The following NUAK1 variants were observed in gnomAD, a reference collection of about 807,000 sequenced individuals.
NUAK1 encodes NUAK family SNF1-like kinase 1.
Under a neutral mutation model 56.9 loss-of-function variants are expected in NUAK1, and 26 were observed. That is an observed-to-expected ratio of 0.46 (90% CI 0.33 to 0.63). The LOEUF is 0.63. Ranked by LOEUF, NUAK1 falls within the 30% of genes least tolerant of loss-of-function variation. The pLI is 0.02. For missense variants in NUAK1, 727 were observed against 876.1 expected (o/e 0.83, Z 2.15); for synonymous variants, 337 against 336.0 (o/e 1.00, Z -0.03).
At chr12:106,103,991 G>C (rs766595476) in intron 2 of NUAK1, 4 of 151,872 alleles carry the variant, frequency 2.6e-5, no homozygotes, top group Non-Finnish European at 5.9e-5. Flanking sequence ...TACCACTCTT[G>C]GGCAGTTCGT....
chr12:106,064,249 T>C lies in NUAK1; in HGVS notation c.*2553A>G, dbSNP rs2032310189. The stretch of plus-strand genomic sequence containing the variant: ...TAATGGCTTTTCCCTCTATTGCAAG[T>C]TTTTCCTTGAAAGGACAGTCAACAC... On this transcript the variant is annotated 3_prime_UTR_variant, in exon 7 of 7. Transcript: ENST00000261402. 6.6e-6 allele frequency: 1 copy of C among 152,166 alleles called. No homozygotes were observed. The highest frequency in any genetic ancestry group is 6.5e-5 in the Admixed American group (1 of 15,268). The allele number at this position is 152,166 out of a possible 1,614,324, so 9.4% of individuals were successfully genotyped here.
chr12:106,100,600 G>A (rs532297570), intron 2 of NUAK1, among the ~76,000 whole-genome samples: 69 of 152,278 alleles, frequency 4.5e-4, no homozygotes, highest in Middle Eastern at 3.4e-3. Flanking sequence ...TTGCTTTGTT[G>A]GCCCTTGTAT....
intron 2 of NUAK1, among the ~76,000 whole-genome samples, chr12:106,097,609 C>T (rs2032707864): frequency 6.6e-6 from 1 of 152,186 alleles, no homozygotes; most frequent in South Asian, 2.1e-4. Flanking sequence ...GAAACATAAA[C>T]TGTTTGTAGA....
Position 106,138,811 on chromosome 12 carries a change from C to A in NUAK1, c.-158G>T, listed in dbSNP as rs1592867162. 2.8e-6 allele frequency: 3 copies of A among 1,055,954 alleles called. No homozygotes were observed. The highest frequency in any genetic ancestry group is 4.0e-5 in the Admixed American group (1 of 25,216). The allele number at this position is 1,055,954 out of a possible 1,614,324, so 65.4% of individuals were successfully genotyped here. On this transcript the variant is annotated 5_prime_UTR_variant, in exon 1 of 7. Coordinates refer to ENST00000261402, the MANE Select transcript of NUAK1 (RefSeq NM_014840.3). This position sits in a 1 kb window ranked among gnomAD's most constrained non-coding sequence, Gnocchi z 5.0. ...GCTCGGACTGCGGCTCGGTCACTGG[C>A]GGCGGCGGGGACTGCACATCTGGCG...
intron 3 of NUAK1, among the ~76,000 whole-genome samples, chr12:106,085,950 TC>T (rs1484022656): frequency 1.3e-5 from 2 of 151,892 alleles, no homozygotes; most frequent in Non-Finnish European, 2.9e-5. Flanking sequence ...CAAGCAATCC[TC>T]CCCCCTCAGC....
chr12:106,138,717 G>T lies in NUAK1; in HGVS notation c.-64C>A. On this transcript the variant is annotated 5_prime_UTR_variant, in exon 1 of 7. Coordinates refer to ENST00000261402, the MANE Select transcript of NUAK1 (RefSeq NM_014840.3). The surrounding 1 kb of genome is among the most constrained non-coding windows in gnomAD (Gnocchi z 5.0). Reference sequence around the variant, plus strand: ...CCGGGCACAGCGCTGGGATGTCGGGGTCCCCACCGAGGGAAGCCGCTGTAC... The same window carrying T: ...CCGGGCACAGCGCTGGGATGTCGGGTTCCCCACCGAGGGAAGCCGCTGTAC... The T allele has an allele frequency of 2.1e-6, 3 of 1,434,786 alleles. No homozygotes were observed. Among genetic ancestry groups the T allele is most frequent in the Non-Finnish European group, 2.7e-6 (3 of 1,101,974 alleles). 88.9% of individuals were successfully genotyped at this position (1,434,786 alleles called of 1,614,324 possible).
chr12:106,122,311 T>C (rs771245599), intron 1 of NUAK1, among the ~76,000 whole-genome samples: 8 of 152,214 alleles, frequency 5.3e-5, no homozygotes, highest in Non-Finnish European at 1.0e-4. Context: ...CCAGTGGCCA[T>C]GAGCGGCAGT....
intron 1 of NUAK1, among the ~76,000 whole-genome samples, chr12:106,130,554 T>C (rs1181573050): frequency 6.6e-6 from 1 of 152,170 alleles, no homozygotes. Flanking sequence ...CACAGAGTAT[T>C]GACAAGTGGT....
chr12:106,126,554 G>A (rs1253529869), intron 1 of NUAK1, among the ~76,000 whole-genome samples: 2 of 152,230 alleles, frequency 1.3e-5, no homozygotes, highest in African/African-American at 2.4e-5. Flanking sequence ...AGAATTCAGT[G>A]AGATGACACA....
At chr12:106,131,012 C>T (rs2033072276) in intron 1 of NUAK1, among the ~76,000 whole-genome samples, 1 of 152,118 alleles carries the variant, frequency 6.6e-6, no homozygotes, top group Non-Finnish European at 1.5e-5. Context: ...GCAGCCTGGC[C>T]CTGGGGCTCT....
At chr12:106,103,562 T>G (rs1006357317) in intron 2 of NUAK1, among the ~76,000 whole-genome samples, 1 of 152,178 alleles carries the variant, frequency 6.6e-6, no homozygotes, top group Non-Finnish European at 1.5e-5. Flanking sequence ...AAAAATTCCT[T>G]CAAGACCCAG....
chr12:106,102,018 C>T (rs970425143), intron 2 of NUAK1, among the ~76,000 whole-genome samples: 3 of 152,062 alleles, frequency 2.0e-5, no homozygotes, highest in Non-Finnish European at 4.4e-5. Context: ...GGGGAGCTGC[C>T]CTCCTCCACA....
At chr12:106,079,003 G>A (rs2032489604) in intron 4 of NUAK1, among the ~76,000 whole-genome samples, 2 of 152,212 alleles carry the variant, frequency 1.3e-5, no homozygotes, top group East Asian at 3.9e-4. Context: ...GCTCTTAGAT[G>A]TATGGCAAAT....
intron 2 of NUAK1, among the ~76,000 whole-genome samples, chr12:106,096,316 T>C (rs985380849): frequency 6.6e-5 from 10 of 152,002 alleles, no homozygotes; most frequent in Admixed American, 6.6e-4. Context: ...TCTAGAAAAA[T>C]GACTTGGGTG....
chr12:106,067,799 C>A lies in NUAK1; in HGVS notation c.989G>T (p.Arg330Leu), dbSNP rs748065457. 6.2e-7 allele frequency: 1 copy of A among 1,614,006 alleles called. No homozygotes were observed. Among genetic ancestry groups the A allele is most frequent in the African/African-American group, 1.3e-5 (1 of 74,888 alleles). Residue 330 changes from arginine (R) to leucine (L), a missense_variant, in exon 7 of 7, where the codon CGG becomes CTG. By Grantham distance (102) the Arg-to-Leu change is moderately radical. Coordinates refer to ENST00000261402, the MANE Select transcript of NUAK1 (RefSeq NM_014840.3). The surrounding 1 kb of genome is among the most constrained non-coding windows in gnomAD (Gnocchi z 6.0). ...LHDSESPLLA[R>L]IIDWHHRSTG... ...GGAACGGTGGTGCCAGTCAATGATC[C>A]GAGCCAGGAGTGGGGACTCAGAGTC...
In NUAK1 at chr12:106,121,626, T is replaced by A. The variant is rs531555955; in HGVS notation, c.241-15101A>T. Among the ~76,000 whole-genome samples the A allele has an allele frequency of 1.1e-4, 17 of 152,266 alleles. No homozygotes were observed. The South Asian group carries it at 3.3e-3, about 30-fold the overall frequency. ...TTAGCTGGGCATGGTGGCGGGTGCCTGCAATCCCAGCTACTTGGGTGGCTG... is the reference window on the plus strand; with the variant it reads ...TTAGCTGGGCATGGTGGCGGGTGCCAGCAATCCCAGCTACTTGGGTGGCTG... On this transcript the variant is annotated intron_variant, in intron 1 of 6. Coordinates refer to ENST00000261402, the MANE Select transcript of NUAK1 (RefSeq NM_014840.3).
intron 1 of NUAK1, among the ~76,000 whole-genome samples, chr12:106,109,238 C>G (rs2032834552): frequency 6.6e-6 from 1 of 152,230 alleles, no homozygotes; most frequent in African/African-American, 2.4e-5. Context: ...AGCACTACTA[C>G]TACTAATAGT....
At chr12:106,071,617 A>AT (rs1352365799) in intron 5 of NUAK1, among the ~76,000 whole-genome samples, 1 of 152,124 alleles carries the variant, frequency 6.6e-6, no homozygotes, top group East Asian at 1.9e-4. Flanking sequence ...TGTTTGTTCA[A>AT]TTTTTTTAAT....
At chr12:106,134,022 G>A (rs1352734457) in intron 1 of NUAK1, among the ~76,000 whole-genome samples, 2 of 152,114 alleles carry the variant, frequency 1.3e-5, no homozygotes, top group Non-Finnish European at 2.9e-5. Flanking sequence ...TTAAGAGTGA[G>A]GCCCATGTCT....
Sources: gnomAD v4.1 joint callset for allele counts (sites outside exome capture counted in the v4.1 genomes callset) on GRCh38, gnomAD v4.1.1 for gene constraint, Gnocchi (gnomAD v3.1) non-coding constraint, MANE v1.5 for transcripts, NCBI Gene and HGNC (gene_info 2026-07-23, HGNC 2026-07-21) for gene names.